Variants in CDH1 observed in about 807,000 individuals in gnomAD.
CDH1 encodes the protein cadherin-1.
CDH1 carries 35 observed loss-of-function variants against 84.5 expected under a neutral mutation model. The ratio of observed to expected loss-of-function variants is 0.41; its 90% confidence interval spans 0.32 to 0.55. The LOEUF (loss-of-function observed/expected upper bound fraction) is 0.55, where lower values mean the gene tolerates loss of function less well. Ranked by LOEUF, CDH1 falls within the 20% of genes least tolerant of loss-of-function variation. The probability of loss-of-function intolerance (pLI) is 0.19; values close to 1 mark genes in which losing one functional copy is unlikely to be tolerated. For synonymous variants in CDH1, 417 were observed against 439.0 expected (o/e 0.95, Z 0.63); for missense variants, 994 against 1,126.6 (o/e 0.88, Z 1.68).
chr16:68,753,254 C>A (rs150716794), intron 2 of CDH1, among the ~76,000 whole-genome samples: 1 of 148,082 alleles, frequency 6.8e-6, no homozygotes, highest in African/African-American at 2.5e-5. Flanking sequence ...TTAATCAGAT[C>A]TCGGCCAAGA....
chr16:68,761,319 G>A (rs1381376645), intron 2 of CDH1, among the ~76,000 whole-genome samples: 4 of 152,180 alleles, frequency 2.6e-5, no homozygotes, highest in Non-Finnish European at 5.9e-5. Context: ...CAGCCCCGCT[G>A]GGCTATCCCA....
intron 2 of CDH1, among the ~76,000 whole-genome samples, chr16:68,772,321 T>G (rs1424322741): frequency 1.3e-5 from 2 of 152,202 alleles, no homozygotes; most frequent in Admixed American, 6.5e-5. Flanking sequence ...ACTTGGAAGC[T>G]TCCTCTCTAA....
In CDH1 at chr16:68,786,520, C is replaced by CT. The variant is rs1323536677; in HGVS notation, c.164-15137dup. 2.8e-3 allele frequency among the ~76,000 whole-genome samples: 216 copies of CT among 77,490 alleles called. 1 individual carries two copies. The highest frequency in any genetic ancestry group is 7.8e-3 in the Middle Eastern group (1 of 128). The allele number at this position is 77,490 out of a possible 152,430, so 50.8% of individuals were successfully genotyped here. A position where few individuals can be genotyped will look rare whatever the true frequency, so the allele number is the denominator to read the frequency against. On this transcript the variant is annotated intron_variant, in intron 2 of 15. Coordinates refer to ENST00000261769, the MANE Select transcript of CDH1 (RefSeq NM_004360.5). The stretch of plus-strand genomic sequence containing the variant: ...CCCCAGTCTGAGATCTTTCTGCTTT[C>CT]TTTTTTTTTTTTTCTTTTTTTTTTT...
At chr16:68,818,444 A>C (rs1243225347) in intron 10 of CDH1, among the ~76,000 whole-genome samples, 8 of 151,896 alleles carry the variant, frequency 5.3e-5, no homozygotes, top group African/African-American at 1.9e-4. Context: ...CAAAGTATTA[A>C]CAATGAGTAA....
intron 2 of CDH1, among the ~76,000 whole-genome samples, chr16:68,788,030 T>C (rs1960111067): frequency 6.6e-6 from 1 of 152,130 alleles, no homozygotes. Flanking sequence ...TTTCACCATG[T>C]TGGCCAGGCC....
At chr16:68,783,985 T>G (rs1959964747) in intron 2 of CDH1, among the ~76,000 whole-genome samples, 1 of 152,156 alleles carries the variant, frequency 6.6e-6, no homozygotes, top group African/African-American at 2.4e-5. Flanking sequence ...CCTTCATGAT[T>G]TTTAATTTTT....
At chr16:68,748,085 T>A (rs1414455487) in intron 2 of CDH1, among the ~76,000 whole-genome samples, 4 of 130,900 alleles carry the variant, frequency 3.1e-5, no homozygotes, top group African/African-American at 1.1e-4. Flanking sequence ...TTTTTAATTT[T>A]TAAAAAAATT....
chr16:68,778,583 A>T (rs906631732), intron 2 of CDH1, among the ~76,000 whole-genome samples: 1 of 152,158 alleles, frequency 6.6e-6, no homozygotes, highest in East Asian at 1.9e-4. Context: ...GCTTCTGGGA[A>T]ACCACAGCTC....
chr16:68,781,453 A>G (rs970683576), intron 2 of CDH1, among the ~76,000 whole-genome samples: 1 of 151,886 alleles, frequency 6.6e-6, no homozygotes, highest in Non-Finnish European at 1.5e-5. Flanking sequence ...AATTAACTCC[A>G]CCTCAGCCTG....
At chr16:68,822,315 C>T (rs767381937) in intron 12 of CDH1, 90 bp downstream of exon 12, 50 of 861,070 alleles carry the variant, frequency 5.8e-5, no homozygotes, top group Non-Finnish European at 9.4e-5. Flanking sequence ...CCCTTCTCAA[C>T]TTCTAGATGT....
rs1961608645 is a variant in CDH1, at chr16:68,835,340, T to C, written c.*1841T>C. ...CAACCCTGCAATCACTTTTTGGAAT[T>C]GTCTTGATTTTTCGGCAGTTCAAGC... is the stretch of plus-strand genomic sequence containing the variant. On this transcript the variant is annotated 3_prime_UTR_variant, in exon 16 of 16. Coordinates refer to ENST00000261769, the MANE Select transcript of CDH1 (RefSeq NM_004360.5). 4.5e-6 allele frequency: 1 copy of C among 223,888 alleles called. No homozygotes were observed. Among genetic ancestry groups the C allele is most frequent in the African/African-American group, 2.2e-5 (1 of 44,780 alleles). The allele number at this position is 223,888 out of a possible 1,614,324, so 13.9% of individuals were successfully genotyped here. A position where few individuals can be genotyped will look rare whatever the true frequency, so the allele number is the denominator to read the frequency against.
At chr16:68,777,362 G>A (rs1227630835) in intron 2 of CDH1, among the ~76,000 whole-genome samples, 2 of 152,076 alleles carry the variant, frequency 1.3e-5, no homozygotes, top group Non-Finnish European at 2.9e-5. Flanking sequence ...GACAATAATA[G>A]TACCTAATTC....
chr16:68,757,334 G>T (rs1963041292), intron 2 of CDH1, among the ~76,000 whole-genome samples: 1 of 152,148 alleles, frequency 6.6e-6, no homozygotes, highest in Non-Finnish European at 1.5e-5. Flanking sequence ...GCCCACCTTG[G>T]CCTCCCAAAG....
At chr16:68,762,688 C>G (rs188449956) in intron 2 of CDH1, among the ~76,000 whole-genome samples, 1 of 152,120 alleles carries the variant, frequency 6.6e-6, no homozygotes, top group African/African-American at 2.4e-5. Flanking sequence ...GCCAGAGGAT[C>G]ACCTGAAGTC....
intron 2 of CDH1, among the ~76,000 whole-genome samples, chr16:68,759,900 G>A (rs1482446816): frequency 6.6e-6 from 1 of 151,922 alleles, no homozygotes; most frequent in East Asian, 1.9e-4. Flanking sequence ...TGTGCTCAGC[G>A]GCTCTATTTC....
intron 15 of CDH1, among the ~76,000 whole-genome samples, chr16:68,831,401 T>C (rs1489677718): frequency 6.6e-6 from 1 of 151,912 alleles, no homozygotes; most frequent in Admixed American, 6.6e-5. Flanking sequence ...GCTTTAGCTT[T>C]CTATGGGAGC....
intron 13 of CDH1, among the ~76,000 whole-genome samples, chr16:68,827,201 G>A (rs1961343405): frequency 6.6e-6 from 1 of 152,064 alleles, no homozygotes; most frequent in South Asian, 2.1e-4. Flanking sequence ...AACCCAGGAT[G>A]TGGTGGTTTC....
At chr16:68,789,667 C>G (rs1430293402) in intron 2 of CDH1, among the ~76,000 whole-genome samples, 1 of 152,118 alleles carries the variant, frequency 6.6e-6, no homozygotes, top group Non-Finnish European at 1.5e-5. Context: ...TTCATCACCT[C>G]CAGAAGAAAT....
At chr16:68,754,373 C>T (rs1364602708) in intron 2 of CDH1, among the ~76,000 whole-genome samples, 1 of 151,652 alleles carries the variant, frequency 6.6e-6, no homozygotes, top group African/African-American at 2.4e-5. Flanking sequence ...GACTGCCTCC[C>T]TGCACTCCAG....
Sources: allele counts gnomAD v4.1 joint callset (sites outside exome capture counted in the v4.1 genomes callset), GRCh38; gene constraint gnomAD v4.1.1; transcripts MANE v1.5; gene names NCBI Gene and HGNC (gene_info 2026-07-23, HGNC 2026-07-21).